The following CERT1 variants were observed in gnomAD, a reference collection of about 807,000 sequenced individuals.
CERT1 encodes ceramide transfer protein.
CERT1 carries 31 observed loss-of-function variants against 87.9 expected under a neutral mutation model. The observed-to-expected ratio is 0.35, with a 90% CI of 0.27 to 0.48. CERT1 has a LOEUF of 0.48. Ranked by LOEUF, CERT1 falls within the 20% of genes least tolerant of loss-of-function variation. The pLI, the probability that CERT1 is intolerant of heterozygous loss-of-function variation, is 0.99. For missense variants in CERT1, 487 were observed against 758.0 expected, an observed-to-expected ratio of 0.64 and a Z score of 4.20; for synonymous variants, 289 against 250.9, an observed-to-expected ratio of 1.15 and a Z score of -1.44.
At chr5:75,477,288 G>A (rs751678355) in intron 2 of CERT1, among the ~76,000 whole-genome samples, 14 of 152,022 alleles carry the variant, frequency 9.2e-5, no homozygotes, top group Non-Finnish European at 1.8e-4. Flanking sequence ...CCCTTACTTG[G>A]CTTTCTCTGA....
intron 2 of CERT1, among the ~76,000 whole-genome samples, chr5:75,492,931 A>T (rs1174068570): frequency 1.3e-5 from 2 of 152,196 alleles, no homozygotes; most frequent in Non-Finnish European, 2.9e-5. Context: ...GCTGGACTCC[A>T]TATCCAGGGT....
downstream of CERT1, chr5:75,375,635 T>TA (rs1169450884): frequency 2.3e-4 from 32 of 136,666 alleles, no homozygotes; most frequent in South Asian, 2.8e-3. Flanking sequence ...ATAAATAAAA[T>TA]AAATAAAAAT....
chr5:75,385,910 T>C lies in CERT1; in HGVS notation c.1409A>G (p.Asp470Gly), dbSNP rs1761766142. ...TAATAATGACAGCTTACTTTCCCAG[T>C]CATTGCGAACGTCAACATTCCAGAA... ...NYFWNVDVRNDWETTIENFHV... is the reference protein window; with the variant it reads ...NYFWNVDVRNGWETTIENFHV... Residue 470 changes from aspartate (D) to glycine (G), a missense_variant, in exon 13 of 17, where the codon GAC (aspartate) becomes GGC (glycine). Asp to Gly is a moderately conservative substitution (Grantham distance 94). Coordinates refer to ENST00000643780, the MANE Select transcript of CERT1 (RefSeq NM_001379029.1). 5 of 1,530,162 alleles carry C rather than the reference T, an allele frequency of 3.3e-6. No individual in the cohort carries two copies. The highest frequency in any genetic ancestry group is 4.4e-6 in the Non-Finnish European group (5 of 1,141,332). The allele number at this position is 1,530,162 out of a possible 1,614,324, so 94.8% of individuals were successfully genotyped here.
intron 3 of CERT1, among the ~76,000 whole-genome samples, chr5:75,440,424 C>A (rs1283219375): frequency 1.3e-5 from 2 of 152,020 alleles, no homozygotes; most frequent in Admixed American, 6.6e-5. Context: ...AAAATTTGCC[C>A]ACAAACCACC....
chr5:75,436,650 G>A (rs886755212), intron 3 of CERT1, among the ~76,000 whole-genome samples: 2 of 152,060 alleles, frequency 1.3e-5, no homozygotes, highest in Non-Finnish European at 2.9e-5. Context: ...TCATTTCTAA[G>A]CAAAATTGGA....
At chr5:75,474,381 G>A (rs1765860655) in intron 2 of CERT1, among the ~76,000 whole-genome samples, 1 of 152,104 alleles carries the variant, frequency 6.6e-6, no homozygotes, top group African/African-American at 2.4e-5. Flanking sequence ...TGTCTGAGAG[G>A]TTTTGTCTGC....
At chr5:75,428,999 A>C (rs1763749022) in intron 3 of CERT1, among the ~76,000 whole-genome samples, 1 of 151,798 alleles carries the variant, frequency 6.6e-6, no homozygotes, top group Admixed American at 6.6e-5. Context: ...CTTTACACTA[A>C]GTGACAGAAA....
intron 2 of CERT1, among the ~76,000 whole-genome samples, chr5:75,481,405 TACG>T (rs771613584): frequency 7.2e-5 from 11 of 152,198 alleles, no homozygotes; most frequent in Non-Finnish European, 1.6e-4. Flanking sequence ...TATATAATTA[TACG>T]GTGCACCTTA....
chr5:75,412,470 G>C (rs1762969962), intron 7 of CERT1, among the ~76,000 whole-genome samples: 1 of 152,174 alleles, frequency 6.6e-6, no homozygotes. Flanking sequence ...AAGAAGGCTA[G>C]TGAAAGCCAC....
intron 2 of CERT1, among the ~76,000 whole-genome samples, chr5:75,473,840 CAT>C (rs1247044335): frequency 2.6e-5 from 4 of 152,052 alleles, no homozygotes; most frequent in African/African-American, 7.2e-5. Flanking sequence ...ACAATAAATA[CAT>C]GTTACATGTC....
At chr5:75,430,558 AATGTGGG>A (rs1404752756) in intron 3 of CERT1, among the ~76,000 whole-genome samples, 2 of 152,240 alleles carry the variant, frequency 1.3e-5, no homozygotes, top group Non-Finnish European at 2.9e-5. Context: ...GGTAGAAGAA[AATGTGGG>A]AAGTGTAGAC....
At chr5:75,500,424 A>C (rs1355957103) in intron 2 of CERT1, among the ~76,000 whole-genome samples, 1 of 152,154 alleles carries the variant, frequency 6.6e-6, no homozygotes, top group Admixed American at 6.5e-5. Context: ...TCTTCTTCCA[A>C]GGCCTCTTAC....
intron 2 of CERT1, among the ~76,000 whole-genome samples, chr5:75,504,698 C>T (rs1226183630): frequency 1.3e-5 from 2 of 151,000 alleles, no homozygotes; most frequent in Non-Finnish European, 2.9e-5. Flanking sequence ...CAGATTTTAA[C>T]TACAACAGCT....
intron 11 of CERT1, among the ~76,000 whole-genome samples, chr5:75,390,724 T>G (rs1165551218): frequency 1.3e-5 from 2 of 152,208 alleles, no homozygotes; most frequent in Non-Finnish European, 1.5e-5. Context: ...GTTTAACTAT[T>G]TGTTTTATAT....
In CERT1 at chr5:75,379,012, T is replaced by C. The variant is rs1761442884; in HGVS notation, c.*334A>G. 5.5e-6 allele frequency: 1 copy of C among 182,894 alleles called. No homozygotes were observed. 11.3% of individuals were successfully genotyped at this position (182,894 alleles called of 1,614,324 possible). The stretch of plus-strand genomic sequence containing the variant: ...TGGGTAACATAGCAAGACCCCTATC[T>C]CTACAAAAAATAAAAAATTAGCTGA... On this transcript the variant is annotated 3_prime_UTR_variant, in exon 17 of 17. Transcript: ENST00000643780.
downstream of CERT1, chr5:75,374,564 G>A (rs1761215495): frequency 2.8e-6 from 2 of 712,304 alleles, no homozygotes; most frequent in Non-Finnish European, 5.2e-6. Context: ...CCAAGGACAA[G>A]GCCATTAAGA....
intron 2 of CERT1, among the ~76,000 whole-genome samples, chr5:75,502,507 G>A (rs1038909899): frequency 2.6e-5 from 4 of 152,070 alleles, no homozygotes; most frequent in African/African-American, 7.2e-5. Context: ...ATATCCACAC[G>A]ATTCAACAGA....
chr5:75,496,371 T>C (rs1039134644), intron 2 of CERT1, among the ~76,000 whole-genome samples: 6 of 151,592 alleles, frequency 4.0e-5, no homozygotes, highest in African/African-American at 9.7e-5. Flanking sequence ...ATAATGCTGG[T>C]GAGATGGTAA....
chr5:75,471,000 G>T (rs1765683191), intron 2 of CERT1, among the ~76,000 whole-genome samples: 1 of 151,878 alleles, frequency 6.6e-6, no homozygotes, highest in African/African-American at 2.4e-5. Flanking sequence ...GCTACAAAAA[G>T]AAAATAAAAT....
Sources: gnomAD v4.1 joint callset for allele counts (sites outside exome capture counted in the v4.1 genomes callset) on GRCh38, gnomAD v4.1.1 for gene constraint, MANE v1.5 for transcripts, NCBI Gene and HGNC (gene_info 2026-07-23, HGNC 2026-07-21) for gene names.